The following PLEKHG7 variants were observed in gnomAD, a reference collection of about 807,000 sequenced individuals.
PLEKHG7 encodes the protein pleckstrin homology domain-containing family G member 7.
A neutral mutation model predicts 85.2 loss-of-function variants in PLEKHG7; 77 were observed. The observed-to-expected ratio is 0.90, with a 90% CI of 0.75 to 1.09. The LOEUF (loss-of-function observed/expected upper bound fraction) is 1.09. Ranked by LOEUF, PLEKHG7 falls within the 50% of genes least tolerant of loss-of-function variation. The pLI is 0.00. For missense variants in PLEKHG7, 777 were observed against 804.3 expected (o/e 0.97, Z 0.41); for synonymous variants, 301 against 302.4 (o/e 1.00, Z 0.05).
chr12:92,723,365 A>G (rs1406108548), intron 3 of PLEKHG7, among the ~76,000 whole-genome samples: 2 of 152,234 alleles, frequency 1.3e-5, no homozygotes, highest in Non-Finnish European at 2.9e-5. Flanking sequence ...GATACTTTTC[A>G]TGAGAGAAGA....
intron 5 of PLEKHG7, among the ~76,000 whole-genome samples, chr12:92,734,970 G>A (rs553080025): frequency 6.6e-6 from 1 of 152,268 alleles, no homozygotes; most frequent in African/African-American, 2.4e-5. Context: ...TACTAAATGG[G>A]TGTGTCGTTT....
At chr12:92,716,949 A>G (rs944463483) in intron 3 of PLEKHG7, among the ~76,000 whole-genome samples, 5 of 152,182 alleles carry the variant, frequency 3.3e-5, no homozygotes, top group African/African-American at 9.7e-5. Context: ...TCTATCCCCA[A>G]TGCATTTGCA....
chr12:92,744,420 G>A (rs1236279994), intron 9 of PLEKHG7, among the ~76,000 whole-genome samples: 1 of 152,090 alleles, frequency 6.6e-6, no homozygotes, highest in Non-Finnish European at 1.5e-5. Flanking sequence ...TGAGATGGTG[G>A]CATGTAGTTC....
intron 1 of PLEKHG7, among the ~76,000 whole-genome samples, chr12:92,704,559 G>A (rs1009111738): frequency 2.6e-5 from 4 of 152,156 alleles, no homozygotes; most frequent in Admixed American, 1.3e-4. Flanking sequence ...TACCTCATGG[G>A]TTTTAGTTCT....
At chr12:92,746,896 T>G (rs766139085) in intron 10 of PLEKHG7, among the ~76,000 whole-genome samples, 1 of 152,174 alleles carries the variant, frequency 6.6e-6, no homozygotes, top group African/African-American at 2.4e-5. Context: ...GAATTAAAGA[T>G]TTAAGTGTAA....
intron 14 of PLEKHG7, 54 bp downstream of exon 14, chr12:92,761,885 T>G: frequency 1.4e-6 from 2 of 1,479,898 alleles, no homozygotes; most frequent in Non-Finnish European, 1.8e-6. Flanking sequence ...TAAATGAGTT[T>G]AGAAATATTT....
chr12:92,709,328 C>T (rs1488509994), intron 3 of PLEKHG7, among the ~76,000 whole-genome samples: 1 of 152,244 alleles, frequency 6.6e-6, no homozygotes, highest in Non-Finnish European at 1.5e-5. Context: ...TCAAGAATGA[C>T]CTCCAAGCTT....
chr12:92,737,067 C>A (rs1002558563), intron 6 of PLEKHG7, among the ~76,000 whole-genome samples: 1 of 152,110 alleles, frequency 6.6e-6, no homozygotes, highest in Non-Finnish European at 1.5e-5. Context: ...GAAAAAGACT[C>A]ATGATATTCT....
In PLEKHG7 at chr12:92,740,964, A is replaced by G. The variant is rs1872338675; in HGVS notation, c.1035+16A>G. The G allele has an allele frequency of 6.4e-7, 1 of 1,552,462 alleles. No homozygotes were observed. Among genetic ancestry groups the G allele is most frequent in the South Asian group, 1.1e-5 (1 of 89,504 alleles). On this transcript the variant is annotated intron_variant, in intron 8 of 16. Transcript: ENST00000344636. ...GTTAACTCAGGTGAGCCAAGTAGGA[A>G]GATTCATGTTTTAACATTCACTAGA...
intron 7 of PLEKHG7, among the ~76,000 whole-genome samples, chr12:92,737,958 T>G (rs1592680543): frequency 1.3e-5 from 2 of 152,212 alleles, no homozygotes; most frequent in African/African-American, 4.8e-5. Flanking sequence ...GAATCTCTTC[T>G]GCCTTGTCTC....
intron 7 of PLEKHG7, 36 bp from the exon 8 acceptor site, chr12:92,740,817 A>C: frequency 7.0e-7 from 1 of 1,436,290 alleles, no homozygotes; most frequent in South Asian, 1.2e-5. Context: ...AAATTAAAAA[A>C]CAGAAATTAA....
At chr12:92,749,961 TTTATTTTATATTTTATTTTATTTTA>T (rs1375172216) in intron 10 of PLEKHG7, among the ~76,000 whole-genome samples, 3 of 106,902 alleles carry the variant, frequency 2.8e-5, no homozygotes, top group East Asian at 1.7e-3. Flanking sequence ...TATTTTATAT[TTTATTTTATATTTTATTTTATTTTA>T]TTATTTTATT....
At chr12:92,720,890 T>C (rs1051350140) in intron 3 of PLEKHG7, among the ~76,000 whole-genome samples, 5 of 152,226 alleles carry the variant, frequency 3.3e-5, no homozygotes, top group Non-Finnish European at 7.3e-5. Flanking sequence ...TGCATTAAAA[T>C]AGTTGGTAGT....
At chr12:92,731,856 G>T (rs138978436) in intron 4 of PLEKHG7, among the ~76,000 whole-genome samples, 146 of 152,308 alleles carry the variant, frequency 9.6e-4, no homozygotes, top group Non-Finnish European at 1.9e-3. Flanking sequence ...GTGTGAAAAT[G>T]AAGGGCCTGT....
At position 92,735,652 on chromosome 12, in the gene PLEKHG7, A is replaced by T. The variant is rs79781620; in HGVS notation, c.700-830A>T. On this transcript the variant is annotated intron_variant, in intron 5 of 16. Transcript: ENST00000344636. ...TTTGGTTGGTAAAATGAACTCTTTA[A>T]GTGGGCAATTCATGATGTCGCAATA... Among the ~76,000 whole-genome samples, 1,324 of 152,328 alleles carry T rather than the reference A, an allele frequency of 8.7e-3. 9 individuals are homozygous for T. The highest frequency in any genetic ancestry group is 0.014 in the Non-Finnish European group (946 of 68,032).
Position 92,761,787 on chromosome 12 carries a change from T to C in PLEKHG7, c.1672T>C (p.Phe558Leu), listed in dbSNP as rs1198606314. Residue 558 changes from phenylalanine (F) to leucine (L), a missense_variant, in exon 14 of 17, where the codon TTC becomes CTC. Phe to Leu is a conservative substitution (Grantham distance 22). Transcript: ENST00000344636. Reference protein sequence around the residue: ...TRFLDVYLFLFNDFLLVTKTK... With the variant: ...TRFLDVYLFLLNDFLLVTKTK... The stretch of plus-strand genomic sequence containing the variant: ...ATTCCTAGATGTTTATCTGTTTCTC[T>C]TCAATGATTTCCTCTTAGTTACGAA... 3 of 1,578,568 alleles carry C rather than the reference T, an allele frequency of 1.9e-6. No homozygotes were observed. Among genetic ancestry groups the C allele is most frequent in the African/African-American group, 1.4e-5 (1 of 72,356 alleles).
intron 3 of PLEKHG7, among the ~76,000 whole-genome samples, chr12:92,723,729 T>C (rs923552019): frequency 6.6e-6 from 1 of 152,110 alleles, no homozygotes; most frequent in African/African-American, 2.4e-5. Context: ...CCACGAAATT[T>C]GACCCCACAT....
intron 10 of PLEKHG7, among the ~76,000 whole-genome samples, chr12:92,751,169 C>T (rs1462599426): frequency 6.6e-6 from 1 of 152,106 alleles, no homozygotes; most frequent in East Asian, 1.9e-4. Flanking sequence ...GATTGAACAT[C>T]GGGTTCAGAC....
At chr12:92,746,965 T>C (rs916043769) in intron 10 of PLEKHG7, among the ~76,000 whole-genome samples, 1 of 152,092 alleles carries the variant, frequency 6.6e-6, no homozygotes, top group African/African-American at 2.4e-5. Flanking sequence ...AGGACATTGG[T>C]CTACACAAAT....
Sources: allele counts gnomAD v4.1 joint callset (sites outside exome capture counted in the v4.1 genomes callset), GRCh38; gene constraint gnomAD v4.1.1; transcripts MANE v1.5; gene names NCBI Gene and HGNC (gene_info 2026-07-23, HGNC 2026-07-21).